Variants in KCNH1 observed in about 807,000 individuals in gnomAD.
KCNH1 encodes voltage-gated delayed rectifier potassium channel KCNH1.
In KCNH1, 27 loss-of-function variants were observed where a neutral mutation model predicts 69.2. That is an observed-to-expected ratio of 0.39 (90% CI 0.29 to 0.54). The LOEUF (loss-of-function observed/expected upper bound fraction) is 0.54. KCNH1 is among the 20% of genes least tolerant of loss of function. The pLI, the probability that KCNH1 is intolerant of heterozygous loss-of-function variation, is 0.68. For missense variants in KCNH1, 798 were observed against 1,261.6 expected, an observed-to-expected ratio of 0.63 and a Z score of 5.57; for synonymous variants, 456 against 487.7, an observed-to-expected ratio of 0.93 and a Z score of 0.86.
chr1:211,019,515 C>G (rs898813446), intron 5 of KCNH1, among the ~76,000 whole-genome samples: 2 of 152,292 alleles, frequency 1.3e-5, no homozygotes, highest in South Asian at 4.1e-4. Flanking sequence ...TCTATTACAC[C>G]TTTGTGTAAT....
intron 7 of KCNH1, among the ~76,000 whole-genome samples, chr1:210,815,304 T>G (rs1025880025): frequency 1.3e-5 from 2 of 152,204 alleles, no homozygotes; most frequent in African/African-American, 2.4e-5. Context: ...GATGGCCAGA[T>G]GAACAAAAAA....
In KCNH1 at chr1:211,079,691, A is replaced by G. The variant is rs1346257449; in HGVS notation, c.558+3089T>C. Among the ~76,000 whole-genome samples, 4 of 152,236 alleles carry G rather than the reference A, an allele frequency of 2.6e-5. No individual in the cohort carries two copies. The East Asian group carries it at 5.8e-4, about 22-fold the overall frequency. ...TGCAAATCAATAAACATAATCCATC[A>G]TATAAACAGAACCAACGACAAAAAC... On this transcript the variant is annotated intron_variant, in intron 5 of 10. Coordinates refer to ENST00000271751, the MANE Select transcript of KCNH1 (RefSeq NM_172362.3).
intron 10 of KCNH1, among the ~76,000 whole-genome samples, chr1:210,720,360 G>A (rs893866341): frequency 6.6e-6 from 1 of 152,168 alleles, no homozygotes; most frequent in African/African-American, 2.4e-5. Flanking sequence ...TAGAATTTCA[G>A]TAAAGATTTA....
chr1:210,856,115 T>A (rs1037305577), intron 7 of KCNH1, among the ~76,000 whole-genome samples: 6 of 152,140 alleles, frequency 3.9e-5, no homozygotes, highest in Non-Finnish European at 8.8e-5. Flanking sequence ...GAAAAAGAGT[T>A]CCAAACCCTT....
chr1:210,802,116 G>C (rs1190714920), intron 8 of KCNH1, among the ~76,000 whole-genome samples: 1 of 152,192 alleles, frequency 6.6e-6, no homozygotes, highest in African/African-American at 2.4e-5. Context: ...GCAAGACCAG[G>C]CATGTAGAAG....
At chr1:211,115,969 A>G (rs1347847028) in intron 1 of KCNH1, among the ~76,000 whole-genome samples, 1 of 151,788 alleles carries the variant, frequency 6.6e-6, no homozygotes, top group Non-Finnish European at 1.5e-5. Flanking sequence ...CTTGTCTCCA[A>G]TAAAAACTTT....
At chr1:211,013,016 T>C (rs1689422608) in intron 6 of KCNH1, among the ~76,000 whole-genome samples, 1 of 152,206 alleles carries the variant, frequency 6.6e-6, no homozygotes. Flanking sequence ...CTATACAGTA[T>C]TGTTAGAACT....
chr1:210,806,882 G>A (rs554487384), intron 7 of KCNH1, among the ~76,000 whole-genome samples: 21 of 134,190 alleles, frequency 1.6e-4, no homozygotes, highest in African/African-American at 5.1e-4. Flanking sequence ...TGGTGCACAC[G>A]AGTAGTCCCA....
At chr1:211,122,786 T>A (rs181305210) in intron 1 of KCNH1, among the ~76,000 whole-genome samples, 1 of 151,980 alleles carries the variant, frequency 6.6e-6, no homozygotes. Flanking sequence ...TGAGAACACA[T>A]GGACACAGAG....
intron 6 of KCNH1, among the ~76,000 whole-genome samples, chr1:210,983,194 C>T (rs1298208831): frequency 6.6e-6 from 1 of 152,118 alleles, no homozygotes; most frequent in Non-Finnish European, 1.5e-5. Flanking sequence ...GAGTAGATTG[C>T]AGAAATGTTC....
At chr1:211,000,549 G>A (rs945798491) in intron 6 of KCNH1, among the ~76,000 whole-genome samples, 3 of 152,176 alleles carry the variant, frequency 2.0e-5, no homozygotes, top group Admixed American at 6.6e-5. Context: ...CATGCTCATG[G>A]ATAGGAAGAA....
chr1:211,130,633 C>T (rs554434629), intron 1 of KCNH1, among the ~76,000 whole-genome samples: 18 of 152,272 alleles, frequency 1.2e-4, no homozygotes, highest in African/African-American at 3.8e-4. Flanking sequence ...CTGCCTCTTA[C>T]GAATTGTAGG....
At chr1:210,714,697 T>C (rs1319478260) in intron 10 of KCNH1, among the ~76,000 whole-genome samples, 1 of 152,206 alleles carries the variant, frequency 6.6e-6, no homozygotes, top group Non-Finnish European at 1.5e-5. Context: ...AGGATCATGA[T>C]ACCATCCCTG....
chr1:211,042,837 A>G (rs934260637), intron 5 of KCNH1, among the ~76,000 whole-genome samples: 1 of 152,246 alleles, frequency 6.6e-6, no homozygotes, highest in African/African-American at 2.4e-5. Flanking sequence ...CCATGCAAAT[A>G]CATGGAAATT....
chr1:210,894,029 C>G (rs1004347380), intron 7 of KCNH1, among the ~76,000 whole-genome samples: 1 of 152,138 alleles, frequency 6.6e-6, no homozygotes, highest in African/African-American at 2.4e-5. Context: ...TTGCCTACTA[C>G]TTCTAAAAAC....
chr1:210,816,514 T>C (rs1271543756), intron 7 of KCNH1, among the ~76,000 whole-genome samples: 1 of 152,184 alleles, frequency 6.6e-6, no homozygotes, highest in African/African-American at 2.4e-5. Flanking sequence ...GTTGAAAAGG[T>C]CTTCAGATAA....
At chr1:210,772,192 A>G (rs1683764551) in intron 10 of KCNH1, among the ~76,000 whole-genome samples, 1 of 152,198 alleles carries the variant, frequency 6.6e-6, no homozygotes, top group Non-Finnish European at 1.5e-5. Context: ...GGAAGTAGAG[A>G]AGAGATTGAA....
At chr1:210,877,757 T>C (rs1686409261) in intron 7 of KCNH1, among the ~76,000 whole-genome samples, 1 of 152,220 alleles carries the variant, frequency 6.6e-6, no homozygotes, top group Non-Finnish European at 1.5e-5. Context: ...TTTAATTTTT[T>C]GTTTTCTACA....
intron 1 of KCNH1, 140 bp from the exon 2 acceptor site, chr1:211,107,517 C>T: frequency 2.4e-6 from 2 of 835,692 alleles, no homozygotes; most frequent in Non-Finnish European, 1.8e-6. Flanking sequence ...AGAAATGTCG[C>T]CCTGTAAGGA....
Sources: allele counts gnomAD v4.1 joint callset (sites outside exome capture counted in the v4.1 genomes callset), GRCh38; gene constraint gnomAD v4.1.1; transcripts MANE v1.5; gene names NCBI Gene and HGNC (gene_info 2026-07-23, HGNC 2026-07-21).